The following STARD13 variants were observed in gnomAD, a reference collection of about 807,000 sequenced individuals.
STARD13 encodes stAR-related lipid transfer protein 13.
Under a neutral mutation model 106.4 loss-of-function variants are expected in STARD13, and 62 were observed. That is an observed-to-expected ratio of 0.58 (90% CI 0.48 to 0.72). The LOEUF (loss-of-function observed/expected upper bound fraction) is 0.72. STARD13 is among the 30% of genes least tolerant of loss of function. The pLI, the probability that STARD13 is intolerant of heterozygous loss-of-function variation, is 0.00. For synonymous variants in STARD13, 565 were observed against 553.0 expected, an observed-to-expected ratio of 1.02 and a Z score of -0.31; for missense variants, 1,387 against 1,424.0, an observed-to-expected ratio of 0.97 and a Z score of 0.42.
At chr13:33,116,105 C>T (rs1875332506) in intron 8 of STARD13, among the ~76,000 whole-genome samples, 2 of 152,180 alleles carry the variant, frequency 1.3e-5, no homozygotes. Flanking sequence ...CACTCCTTGC[C>T]CTAATATTCA....
chr13:33,185,023 C>T (rs1283510141), intron 1 of STARD13, among the ~76,000 whole-genome samples: 1 of 152,210 alleles, frequency 6.6e-6, no homozygotes, highest in East Asian at 1.9e-4. Context: ...AGCTTCTAAA[C>T]ACTCTTGGCC....
intron 3 of STARD13, among the ~76,000 whole-genome samples, chr13:33,159,845 A>C (rs1176044831): frequency 6.6e-6 from 1 of 152,194 alleles, no homozygotes; most frequent in African/African-American, 2.4e-5. Flanking sequence ...AGGAGACCTA[A>C]ATAGAGACAT....
At chr13:33,544,981 G>A in the STARD13 span, among the ~76,000 whole-genome samples, 1 of 151,242 alleles carries the variant, frequency 6.6e-6, no homozygotes, top group Non-Finnish European at 1.5e-5. Flanking sequence ...TTGAGACGGG[G>A]TTTTGCTCTT....
At chr13:33,640,287 G>T in the STARD13 span, among the ~76,000 whole-genome samples, 1 of 152,134 alleles carries the variant, frequency 6.6e-6, no homozygotes, top group Non-Finnish European at 1.5e-5. Context: ...ATCCTTTCTT[G>T]AAAACAAATG....
chr13:33,442,796 C>CA, the STARD13 span, among the ~76,000 whole-genome samples: 2 of 151,842 alleles, frequency 1.3e-5, no homozygotes. Flanking sequence ...ATTGATGAGG[C>CA]AAAAAATGAA....
the STARD13 span, among the ~76,000 whole-genome samples, chr13:33,573,039 G>A: frequency 6.6e-6 from 1 of 152,096 alleles, no homozygotes; most frequent in South Asian, 2.1e-4. Flanking sequence ...ATCATGGCTT[G>A]GTGGCCTCTG....
chr13:33,105,177 A>C lies in STARD13; in HGVS notation c.*416T>G, dbSNP rs1346739140. 1 of 158,438 alleles carries C rather than the reference A, an allele frequency of 6.3e-6. No homozygotes were observed. The allele number at this position is 158,438 out of a possible 1,614,324, so 9.8% of individuals were successfully genotyped here. A position where few individuals can be genotyped will look rare whatever the true frequency, so the allele number is the denominator to read the frequency against. On this transcript the variant is annotated 3_prime_UTR_variant, in exon 14 of 14. Coordinates refer to ENST00000336934, the MANE Select transcript of STARD13 (RefSeq NM_178006.4). ...TGAGTCAGACACCGTCATTTTCAAA[A>C]CACACAATTCTATATAAAATTGGTA...
At chr13:33,227,086 T>C (rs1888664143) in intron 1 of STARD13, among the ~76,000 whole-genome samples, 1 of 152,240 alleles carries the variant, frequency 6.6e-6, no homozygotes, top group Non-Finnish European at 1.5e-5. Flanking sequence ...ACTTCATTCC[T>C]AACCTTTAAA....
At chr13:33,402,417 G>T in the STARD13 span, among the ~76,000 whole-genome samples, 1 of 152,254 alleles carries the variant, frequency 6.6e-6, no homozygotes, top group Non-Finnish European at 1.5e-5. Flanking sequence ...TTCAGAAACA[G>T]TGTAAGTGGA....
chr13:33,228,738 A>G (rs545780070), intron 1 of STARD13, among the ~76,000 whole-genome samples: 1 of 152,362 alleles, frequency 6.6e-6, no homozygotes, highest in South Asian at 2.1e-4. Flanking sequence ...GTTCCACTAC[A>G]TGTCCACTAG....
chr13:33,653,081 T>C, the STARD13 span, among the ~76,000 whole-genome samples: 1 of 152,088 alleles, frequency 6.6e-6, no homozygotes, highest in African/African-American at 2.4e-5. Flanking sequence ...AACTTAATAT[T>C]GTTAAGATAG....
the STARD13 span, among the ~76,000 whole-genome samples, chr13:33,482,003 A>T: frequency 6.6e-6 from 1 of 150,898 alleles, no homozygotes; most frequent in African/African-American, 2.4e-5. Context: ...AAAAAGAAAG[A>T]AAAAAAAAGA....
the STARD13 span, among the ~76,000 whole-genome samples, chr13:33,575,207 C>T: frequency 1.3e-5 from 2 of 152,154 alleles, no homozygotes; most frequent in South Asian, 2.1e-4. Flanking sequence ...TGAACCACTG[C>T]GCCCGGCCAT....
intron 1 of STARD13, among the ~76,000 whole-genome samples, chr13:33,212,778 C>T: frequency 6.6e-6 from 1 of 152,332 alleles, no homozygotes; most frequent in East Asian, 1.9e-4. Context: ...CAGAATTTTA[C>T]ATTCCTAAAC....
chr13:33,166,781 G>A (rs1214225076), intron 2 of STARD13, among the ~76,000 whole-genome samples: 1 of 152,098 alleles, frequency 6.6e-6, no homozygotes, highest in East Asian at 1.9e-4. Context: ...AGTCACTTGA[G>A]GTCAGGAGTT....
At chr13:33,341,413 C>A (rs528131593) in intron 1 of STARD13, among the ~76,000 whole-genome samples, 80 of 151,978 alleles carry the variant, frequency 5.3e-4, no homozygotes, top group African/African-American at 1.6e-3. Flanking sequence ...CCGAGGTGGG[C>A]GGATCACAAG....
At chr13:33,133,376 C>T (rs1676693045) in intron 4 of STARD13, among the ~76,000 whole-genome samples, 1 of 152,142 alleles carries the variant, frequency 6.6e-6, no homozygotes, top group South Asian at 2.1e-4. Context: ...AAAAGGAAAA[C>T]AGCTCAGGGA....
chr13:33,132,202 G>A lies in STARD13; in HGVS notation c.388-1913C>T, dbSNP rs145416905. 1.1e-3 allele frequency among the ~76,000 whole-genome samples: 170 copies of A among 152,322 alleles called. 1 individual carries two copies. The highest frequency in any genetic ancestry group is 3.8e-3 in the African/African-American group (157 of 41,576). On this transcript the variant is annotated intron_variant, in intron 4 of 13. Coordinates refer to ENST00000336934, the MANE Select transcript of STARD13 (RefSeq NM_178006.4). Reference sequence around the variant, plus strand: ...AAGAATTCTATGGCTTAGAAGTCAGGTGCGGTGGCTGATACGGTTTGGTTG... The same window carrying A: ...AAGAATTCTATGGCTTAGAAGTCAGATGCGGTGGCTGATACGGTTTGGTTG...
At chr13:33,428,448 A>G in the STARD13 span, among the ~76,000 whole-genome samples, 1 of 152,202 alleles carries the variant, frequency 6.6e-6, no homozygotes, top group Non-Finnish European at 1.5e-5. Flanking sequence ...TTAAAAATAT[A>G]AAAGGAACTC....
Sources: gnomAD v4.1 joint callset for allele counts (sites outside exome capture counted in the v4.1 genomes callset) on GRCh38, gnomAD v4.1.1 for gene constraint, MANE v1.5 for transcripts, NCBI Gene and HGNC (gene_info 2026-07-23, HGNC 2026-07-21) for gene names.